Variants in GMDS observed in about 807,000 individuals in gnomAD.
The protein encoded by GMDS is GDP-mannose 4,6 dehydratase.
Under a neutral mutation model 49.9 loss-of-function variants are expected in GMDS, and 20 were observed. The ratio of observed to expected loss-of-function variants is 0.40; its 90% CI spans 0.28 to 0.58. GMDS has a LOEUF of 0.58. Ranked by LOEUF, GMDS falls within the 20% of genes least tolerant of loss-of-function variation. The pLI is 0.42. For missense variants in GMDS, 362 were observed against 481.4 expected, an observed-to-expected ratio of 0.75 and a Z score of 2.32; for synonymous variants, 177 against 178.6, an observed-to-expected ratio of 0.99 and a Z score of 0.07.
At chr6:1,699,662 C>T (rs1270612656) in intron 9 of GMDS, among the ~76,000 whole-genome samples, 3 of 151,986 alleles carry the variant, frequency 2.0e-5, no homozygotes, top group Non-Finnish European at 4.4e-5. Context: ...CTCCTGCCTT[C>T]CTCCTATAAG....
chr6:1,977,209 T>C (rs1830734), intron 4 of GMDS, among the ~76,000 whole-genome samples: 59,862 of 152,118 alleles, frequency 0.39, 11,889 homozygotes, highest in Middle Eastern at 0.45. Context: ...TGCTTGTGTA[T>C]GTATGAATGA....
At position 2,167,716 on chromosome 6, in the gene GMDS, A is replaced by C. The variant is rs565883995; in HGVS notation, c.103-42985T>G. Reference sequence around the variant, plus strand: ...CCCCCAGCTAGCCTGCCTGAAAAAAACCCAGCCCAAGCCAATCCTCCTCTG... The same window carrying C: ...CCCCCAGCTAGCCTGCCTGAAAAAACCCCAGCCCAAGCCAATCCTCCTCTG... On this transcript the variant is annotated intron_variant, in intron 1 of 10. Transcript: ENST00000380815. 9.3e-4 allele frequency among the ~76,000 whole-genome samples: 142 copies of C among 152,154 alleles called. 1 individual carries two copies. Among genetic ancestry groups the C allele is most frequent in the African/African-American group, 2.7e-3 (110 of 41,490 alleles).
intron 7 of GMDS, among the ~76,000 whole-genome samples, chr6:1,785,461 C>T (rs966657360): frequency 2.6e-5 from 4 of 152,192 alleles, no homozygotes; most frequent in Non-Finnish European, 4.4e-5. Flanking sequence ...GGAGATTCCA[C>T]AGCTGGCAGC....
At chr6:1,672,638 C>T (rs1209978371) in intron 9 of GMDS, among the ~76,000 whole-genome samples, 1 of 152,200 alleles carries the variant, frequency 6.6e-6, no homozygotes, top group Non-Finnish European at 1.5e-5. Context: ...GCAGAGGGTT[C>T]ACCCGGGAGT....
At chr6:2,121,859 C>T (rs1775155664) in intron 2 of GMDS, among the ~76,000 whole-genome samples, 1 of 152,204 alleles carries the variant, frequency 6.6e-6, no homozygotes, top group Non-Finnish European at 1.5e-5. Flanking sequence ...CTCCTGCATG[C>T]TCCCCTCCAG....
intron 6 of GMDS, among the ~76,000 whole-genome samples, chr6:1,959,419 C>T (rs764729593): frequency 5.9e-5 from 9 of 151,976 alleles, no homozygotes; most frequent in Non-Finnish European, 1.3e-4. Flanking sequence ...AATTTCTGGA[C>T]GTCTATTTAA....
chr6:1,964,892 A>T (rs1764176543), intron 4 of GMDS, among the ~76,000 whole-genome samples: 1 of 152,036 alleles, frequency 6.6e-6, no homozygotes, highest in South Asian at 2.1e-4. Flanking sequence ...TCATTGTTCA[A>T]TTGCCACCTA....
intron 1 of GMDS, among the ~76,000 whole-genome samples, chr6:2,177,423 T>A (rs1474838063): frequency 6.6e-6 from 1 of 152,052 alleles, no homozygotes; most frequent in African/African-American, 2.4e-5. Flanking sequence ...ATATCCCTGA[T>A]AAACAGACAT....
chr6:2,064,433 C>T (rs1326121352), intron 4 of GMDS, among the ~76,000 whole-genome samples: 1 of 152,142 alleles, frequency 6.6e-6, no homozygotes, highest in African/African-American at 2.4e-5. Context: ...ACCAATCATG[C>T]TTACATACTT....
intron 4 of GMDS, among the ~76,000 whole-genome samples, chr6:1,996,748 T>C (rs907503340): frequency 2.0e-5 from 3 of 152,082 alleles, no homozygotes; most frequent in African/African-American, 2.4e-5. Context: ...AGTGATTTCT[T>C]AGAAGGGGGT....
chr6:2,167,922 A>G (rs1422659326), intron 1 of GMDS, among the ~76,000 whole-genome samples: 1 of 152,258 alleles, frequency 6.6e-6, no homozygotes, highest in Admixed American at 6.5e-5. Context: ...CAGGCAGTCA[A>G]TAAGTACTGC....
Position 1,960,921 on chromosome 6 carries a change from C to T in GMDS, c.391G>A (p.Gly131Ser). The change falls in exon 5 of 11, where the codon GGC becomes AGC. Residue 131 changes from glycine to serine, a missense_variant. Coordinates refer to ENST00000380815, the MANE Select transcript of GMDS (RefSeq NM_001500.4). ...ACTGCATCTAGAAGTCGTAGAGTGC[C>T]AACTCCGTCAACGTCCGCAGTGTAC... ...AEYTADVDGVGTLRLLDAVKT... is the reference protein window; with the variant it reads ...AEYTADVDGVSTLRLLDAVKT... 4 of 1,597,822 alleles carry T rather than the reference C, an allele frequency of 2.5e-6. No individual in the cohort carries two copies. Among genetic ancestry groups the T allele is most frequent in the Non-Finnish European group, 2.6e-6 (3 of 1,167,496 alleles).
chr6:1,665,152 G>A (rs1764199644), intron 9 of GMDS, among the ~76,000 whole-genome samples: 1 of 152,116 alleles, frequency 6.6e-6, no homozygotes, highest in South Asian at 2.1e-4. Flanking sequence ...CAATGTGCAG[G>A]TTAGTTACAT....
At position 2,173,499 on chromosome 6, in the gene GMDS, G is replaced by T. The variant is rs185685470; in HGVS notation, c.103-48768C>A. ...CAGAGAAAGTCACGGATTTAGAAGG[G>T]TTCAAAAGTAGAGACTGGGGGCACA... On this transcript the variant is annotated intron_variant, in intron 1 of 10. Transcript: ENST00000380815. 6.2e-4 allele frequency among the ~76,000 whole-genome samples: 94 copies of T among 152,302 alleles called. 1 individual carries two copies. The highest frequency in any genetic ancestry group is 1.1e-3 in the Non-Finnish European group (73 of 68,012).
At chr6:1,960,662 C>T in intron 5 of GMDS, 112 bp downstream of exon 5, 2 of 657,572 alleles carry the variant, frequency 3.0e-6, no homozygotes, top group South Asian at 3.2e-5. Flanking sequence ...GTTAACCTCA[C>T]ACCCAAATGA....
chr6:2,095,825 A>C (rs1471344040), intron 4 of GMDS, among the ~76,000 whole-genome samples: 1 of 152,202 alleles, frequency 6.6e-6, no homozygotes, highest in Non-Finnish European at 1.5e-5. Flanking sequence ...ACTTTTAAAG[A>C]AGCTGAAAGA....
intron 7 of GMDS, among the ~76,000 whole-genome samples, chr6:1,773,180 GCA>G (rs372727815): frequency 3.5e-4 from 51 of 144,034 alleles, no homozygotes; most frequent in African/African-American, 1.3e-3. Flanking sequence ...GTTAGAAAAT[GCA>G]CAGAGGGTCC....
intron 7 of GMDS, among the ~76,000 whole-genome samples, chr6:1,746,062 C>T (rs1767483236): frequency 6.6e-6 from 1 of 152,204 alleles, no homozygotes; most frequent in Admixed American, 6.5e-5. Context: ...ATGGATGGCA[C>T]AACTGAGGCA....
chr6:2,117,393 A>G, intron 3 of GMDS, 76 bp downstream of exon 3: 1 of 871,752 alleles, frequency 1.1e-6, no homozygotes, highest in South Asian at 1.4e-5. Context: ...ATGACATTTG[A>G]AAACACCTTA....
Sources: allele counts gnomAD v4.1 joint callset (sites outside exome capture counted in the v4.1 genomes callset), GRCh38; gene constraint gnomAD v4.1.1; transcripts MANE v1.5; gene names NCBI Gene and HGNC (gene_info 2026-07-23, HGNC 2026-07-21).